The following CSF2RA variants were observed in gnomAD, a reference collection of about 807,000 sequenced individuals.
CSF2RA encodes colony stimulating factor 2 receptor subunit alpha.
In CSF2RA, 42 loss-of-function variants were observed where a neutral mutation model predicts 51.6. That is an observed-to-expected ratio of 0.81 (90% CI 0.64 to 1.05). The LOEUF is 1.05. CSF2RA is among the 50% of genes least tolerant of loss of function. The probability of loss-of-function intolerance (pLI) is 0.00; values close to 1 mark genes in which losing one functional copy is unlikely to be tolerated. For missense variants in CSF2RA, 530 were observed against 501.1 expected (o/e 1.06, Z -0.55); for synonymous variants, 222 against 193.0 (o/e 1.15, Z -1.24).
chrX:1,288,170 T>G (rs2090982394), intron 4 of CSF2RA, among the ~76,000 whole-genome samples: 1 of 151,642 alleles, frequency 6.6e-6, no homozygotes, highest in African/African-American at 2.4e-5. Flanking sequence ...CAGGTGCGTG[T>G]CGCCAAATCC....
the CSF2RA span, among the ~76,000 whole-genome samples, chrX:1,317,309 T>G: frequency 8.6e-6 from 1 of 115,714 alleles, no homozygotes; most frequent in South Asian, 3.0e-4. Flanking sequence ...TGGAGTGCAG[T>G]GGTACAATCT....
the CSF2RA span, among the ~76,000 whole-genome samples, chrX:1,316,260 TGATAGATAGATA>T: frequency 0.036 from 3,391 of 94,128 alleles, 118 homozygotes; most frequent in African/African-American, 0.11. Flanking sequence ...ATTAGATAGA[TGATAGATAGATA>T]GATAGATAGA....
downstream of CSF2RA, among the ~76,000 whole-genome samples, chrX:1,315,284 G>T (rs1337260093): frequency 6.6e-6 from 1 of 152,030 alleles, no homozygotes; most frequent in African/African-American, 2.4e-5. Flanking sequence ...ATAGATGATT[G>T]ATAGATGACA....
chrX:1,304,917 C>G (rs28566708), intron 11 of CSF2RA, among the ~76,000 whole-genome samples: 142,299 of 151,608 alleles, frequency 0.94, 66,931 homozygotes, highest in African/African-American at 0.98. Flanking sequence ...CACCCGCCTT[C>G]GCCTCCCAAA....
chrX:1,305,725 C>T (rs2083498197), intron 12 of CSF2RA, 198 bp downstream of exon 12: 1 of 1,553,142 alleles, frequency 6.4e-7, no homozygotes, highest in South Asian at 1.2e-5. Flanking sequence ...GGGTCAGAGT[C>T]ATCTCTGTGA....
the CSF2RA span, among the ~76,000 whole-genome samples, chrX:1,321,979 T>C: frequency 2.0e-5 from 3 of 151,926 alleles, no homozygotes; most frequent in South Asian, 4.2e-4. Flanking sequence ...CCACTAAAAA[T>C]ACAAAATTAC....
At chrX:1,301,746 A>G (rs1203513033) in intron 10 of CSF2RA, among the ~76,000 whole-genome samples, 5 of 147,754 alleles carry the variant, frequency 3.4e-5, no homozygotes, top group South Asian at 2.1e-4. Context: ...ACAGGTGCCC[A>G]TCACCACGCC....
intron 4 of CSF2RA, among the ~76,000 whole-genome samples, chrX:1,286,610 G>A (rs1270397709): frequency 2.0e-5 from 3 of 151,932 alleles, no homozygotes; most frequent in Non-Finnish European, 2.9e-5. Context: ...AAATAAAAGC[G>A]AGAGGGCCAC....
chrX:1,282,733 C>A lies in CSF2RA; in HGVS notation c.30C>A (p.Leu10=), dbSNP rs2090191176. The change falls in exon 3 of 13, where the codon CTC becomes CTA. Residue 10 remains leucine (L), a synonymous_variant. Coordinates refer to ENST00000381529, the MANE Select transcript of CSF2RA (RefSeq NM_172245.4). The part of the protein sequence containing the change: MLLLVTSLL[L]CELPHPAFLL... The stretch of plus-strand genomic sequence containing the variant: ...TTCTCCTGGTGACAAGCCTTCTGCT[C>A]TGTGAGTTACCACACCCAGCATTCC... The A allele has an allele frequency of 6.2e-7, 1 of 1,613,792 alleles. No homozygotes were observed. The highest frequency in any genetic ancestry group is 1.3e-5 in the African/African-American group (1 of 74,916).
intron 7 of CSF2RA, chrX:1,293,800 C>T (rs2091640149): frequency 2.3e-6 from 1 of 432,464 alleles, no homozygotes; most frequent in African/African-American, 2.0e-5. Context: ...CCACCTCCAC[C>T]TGGACCCAGT....
intron 7 of CSF2RA, among the ~76,000 whole-genome samples, chrX:1,291,794 C>T (rs1329879491): frequency 1.3e-5 from 2 of 150,022 alleles, no homozygotes; most frequent in African/African-American, 4.9e-5. Context: ...AGAGGTGTCC[C>T]TACTCCACGT....
chrX:1,305,147 C>T (rs752771624), intron 11 of CSF2RA, among the ~76,000 whole-genome samples: 1 of 151,526 alleles, frequency 6.6e-6, no homozygotes, highest in East Asian at 1.9e-4. Context: ...GCAAGCACCA[C>T]GATACTCAGC....
chrX:1,288,841 G>A lies in CSF2RA; in HGVS notation c.426G>A (p.Pro142=), dbSNP rs770309852. 57 of 1,613,862 alleles carry A rather than the reference G, an allele frequency of 3.5e-5. No individual in the cohort carries two copies. The Middle Eastern group carries it at 8.2e-4, about 23-fold the overall frequency. ...TGAACTGTACCTGGGCGAGGGGTCC[G>A]ACGGCCCCCCGTGACGTCCAGTATT... ...DLMNCTWARG[P]TAPRDVQYFL... The change falls in exon 6 of 13, where the codon CCG becomes CCA. Residue 142 remains proline, a synonymous_variant. Coordinates refer to ENST00000381529, the MANE Select transcript of CSF2RA (RefSeq NM_172245.4).
At chrX:1,280,065 C>A (rs1163562122) in intron 2 of CSF2RA, among the ~76,000 whole-genome samples, 1 of 151,850 alleles carries the variant, frequency 6.6e-6, no homozygotes, top group Non-Finnish European at 1.5e-5. Flanking sequence ...GCTGGGATTA[C>A]AGGCGTGAGC....
intron 3 of CSF2RA, among the ~76,000 whole-genome samples, chrX:1,283,484 CTCTT>C (rs201839672): frequency 0.011 from 1,394 of 131,462 alleles, 7 homozygotes; most frequent in Middle Eastern, 0.019. Flanking sequence ...CTCTCTCTCT[CTCTT>C]TCTTTCTTTC....
intron 6 of CSF2RA, 74 bp downstream of exon 6, chrX:1,288,962 T>C: frequency 6.3e-7 from 1 of 1,596,198 alleles, no homozygotes; most frequent in Non-Finnish European, 8.6e-7. Context: ...GTTTTCTTTT[T>C]TTCCTTTTTC....
chrX:1,313,050 A>T (rs2084253575), downstream of CSF2RA, among the ~76,000 whole-genome samples: 1 of 152,062 alleles, frequency 6.6e-6, no homozygotes, highest in Non-Finnish European at 1.5e-5. Flanking sequence ...CCAAGGGAGC[A>T]CCACATTCCT....
At chrX:1,320,097 A>G in the CSF2RA span, among the ~76,000 whole-genome samples, 1 of 151,734 alleles carries the variant, frequency 6.6e-6, no homozygotes, top group East Asian at 2.0e-4. Context: ...GGATTTCACC[A>G]TGTTAGCCAG....
At chrX:1,304,086 C>A in intron 11 of CSF2RA, 67 bp downstream of exon 11, 1 of 1,298,556 alleles carries the variant, frequency 7.7e-7, no homozygotes, top group Non-Finnish European at 1.1e-6. Flanking sequence ...GCGCTTTGTC[C>A]AGTCTCTGTC....
Sources: allele counts gnomAD v4.1 joint callset (sites outside exome capture counted in the v4.1 genomes callset), GRCh38; gene constraint gnomAD v4.1.1; transcripts MANE v1.5; gene names NCBI Gene and HGNC (gene_info 2026-07-23, HGNC 2026-07-21).